SLC12A3: variants seen among roughly 807,000 people sequenced by gnomAD.
The protein encoded by SLC12A3 is solute carrier family 12 member 3.
SLC12A3 carries 104 observed loss-of-function variants against 121.0 expected under a neutral mutation model. That is an observed-to-expected ratio of 0.86 (90% CI 0.73 to 1.01). The LOEUF (loss-of-function observed/expected upper bound fraction) is 1.01, where lower values mean the gene tolerates loss of function less well. SLC12A3 is among the 50% of genes least tolerant of loss of function. The probability of loss-of-function intolerance (pLI) is 0.00; values close to 1 mark genes in which losing one functional copy is unlikely to be tolerated. For missense variants in SLC12A3, 1,328 were observed against 1,356.3 expected (o/e 0.98, Z 0.33); for synonymous variants, 536 against 533.4 (o/e 1.00, Z -0.07).
chr16:56,873,708 AT>A (rs398038206), intron 8 of SLC12A3, among the ~76,000 whole-genome samples: 58 of 125,412 alleles, frequency 4.6e-4, no homozygotes, highest in Non-Finnish European at 4.2e-4. Flanking sequence ...ATTTTATTTT[AT>A]TTTTTTTTTT....
chr16:56,892,522 G>A (rs960118814), intron 20 of SLC12A3, among the ~76,000 whole-genome samples: 14 of 152,188 alleles, frequency 9.2e-5, no homozygotes, highest in African/African-American at 3.4e-4. Context: ...GACCCACCTA[G>A]CAGGCTCTGG....
At chr16:56,875,259 A>AT (rs1281435295) in intron 8 of SLC12A3, among the ~76,000 whole-genome samples, 1 of 152,148 alleles carries the variant, frequency 6.6e-6, no homozygotes, top group Non-Finnish European at 1.5e-5. Context: ...TCACTGTGAC[A>AT]TTTTGGGCAA....
chr16:56,897,802 C>G (rs540757350), intron 22 of SLC12A3, among the ~76,000 whole-genome samples: 15 of 152,334 alleles, frequency 9.8e-5, no homozygotes, highest in African/African-American at 3.6e-4. Flanking sequence ...GCATCCTCTG[C>G]TCTCTACATA....
At chr16:56,884,383 C>T (rs2055283427) in intron 14 of SLC12A3, among the ~76,000 whole-genome samples, 179 bp downstream of exon 14, 2 of 152,186 alleles carry the variant, frequency 1.3e-5, no homozygotes, top group African/African-American at 4.8e-5. Flanking sequence ...TGTCCCCACT[C>T]AGGGCCTATG....
At chr16:56,890,454 A>C in intron 19 of SLC12A3, 98 bp downstream of exon 19, 1 of 1,025,278 alleles carries the variant, frequency 9.8e-7, no homozygotes, top group South Asian at 1.3e-5. Context: ...AAGGTTACAG[A>C]CTCATAGAAA....
At chr16:56,895,700 G>T (rs1225750401) in intron 22 of SLC12A3, among the ~76,000 whole-genome samples, 1 of 152,104 alleles carries the variant, frequency 6.6e-6, no homozygotes, top group Non-Finnish European at 1.5e-5. Context: ...TTGGGGGAGA[G>T]TGGTGGTTTT....
intron 25 of SLC12A3, among the ~76,000 whole-genome samples, chr16:56,908,704 G>A (rs2055643052): frequency 6.6e-6 from 1 of 152,060 alleles, no homozygotes; most frequent in African/African-American, 2.4e-5. Flanking sequence ...TACAAAGAAA[G>A]TGCCCCGTGT....
At chr16:56,894,099 G>A (rs574164533) in intron 21 of SLC12A3, among the ~76,000 whole-genome samples, 2 of 151,730 alleles carry the variant, frequency 1.3e-5, no homozygotes, top group South Asian at 2.1e-4. Flanking sequence ...TGCCTCCTGA[G>A]CTCAAGTGAT....
chr16:56,911,768 G>C (rs933227019), intron 25 of SLC12A3, among the ~76,000 whole-genome samples: 8 of 152,214 alleles, frequency 5.3e-5, no homozygotes, highest in Non-Finnish European at 8.8e-5. Context: ...GCTGCGGAGG[G>C]AAGATGTCAA....
At chr16:56,889,001 G>C (rs1465026390) in intron 18 of SLC12A3, among the ~76,000 whole-genome samples, 2 of 152,232 alleles carry the variant, frequency 1.3e-5, no homozygotes, top group Non-Finnish European at 2.9e-5. Flanking sequence ...AGTGAAACCA[G>C]GACCTGAGGA....
intron 11 of SLC12A3, 136 bp from the exon 12 acceptor site, chr16:56,879,994 T>G: frequency 9.3e-7 from 1 of 1,071,656 alleles, no homozygotes; most frequent in Non-Finnish European, 1.4e-6. Context: ...CATCCCTGTT[T>G]AATAGAAACA....
rs1408234729 is a variant in SLC12A3, at chr16:56,872,524, TG to T, written c.964+64del. ...GACAGGGACTCTCTACCCAGGAATC[TG>T]GCCCATTGTGTGGACACTGGGAGGA... is the stretch of plus-strand genomic sequence containing the variant. On this transcript the variant is annotated intron_variant, in intron 7 of 25. Transcript: ENST00000563236. 4.2e-5 allele frequency: 66 copies of T among 1,587,418 alleles called. No homozygotes were observed. In the Admixed American group the frequency reaches 6.5e-4, roughly 16 times the overall value.
chr16:56,887,249 T>C (rs1215831560), intron 17 of SLC12A3, among the ~76,000 whole-genome samples, 156 bp downstream of exon 17: 1 of 152,008 alleles, frequency 6.6e-6, no homozygotes, highest in East Asian at 1.9e-4. Flanking sequence ...TCACCCAGGC[T>C]GGAGTGCAAT....
At chr16:56,870,420 C>T (rs2055077461) in intron 5 of SLC12A3, among the ~76,000 whole-genome samples, 185 bp downstream of exon 5, 1 of 152,260 alleles carries the variant, frequency 6.6e-6, no homozygotes, top group Non-Finnish European at 1.5e-5. Context: ...CCCACAAGTC[C>T]CCTTTGGGGG....
At chr16:56,878,223 C>A in intron 9 of SLC12A3, 62 bp downstream of exon 9, 3 of 1,265,990 alleles carry the variant, frequency 2.4e-6, no homozygotes, top group Non-Finnish European at 3.4e-6. Context: ...TGCAGTGTCC[C>A]AAAACCCTGA....
In SLC12A3 at chr16:56,882,383, T is replaced by G. The variant is rs1343975925; in HGVS notation, c.1568-13T>G. The G allele has an allele frequency of 7.5e-6, 12 of 1,609,476 alleles. No homozygotes were observed. The highest frequency in any genetic ancestry group is 9.4e-6 in the Non-Finnish European group (11 of 1,175,830). ...CCCAACAGGCTGTCCTCTCTCTCCC[T>G]GGGTCCCCGAAGCTGAGCTCAACAC... On this transcript the variant is annotated splice_polypyrimidine_tract_variant and intron_variant, in intron 12 of 25. Transcript: ENST00000563236.
At position 56,892,967 on chromosome 16, in the gene SLC12A3, C is replaced by T. The variant is rs201300295; in HGVS notation, c.2434C>T (p.Leu812=). ...ACCTCCTGCAGTGGACCCCAAGGCCCTGGTGAAGGAGGAGCAGGCCACCAC... is the reference window on the plus strand; with the variant it reads ...ACCTCCTGCAGTGGACCCCAAGGCCTTGGTGAAGGAGGAGCAGGCCACCAC... ...EASARVDPKA[L]VKEEQATTIF... The change falls in exon 21 of 26, where the codon CTG becomes TTG. Residue 812 remains leucine, a synonymous_variant. Transcript: ENST00000563236. 3 of 1,614,178 alleles carry T rather than the reference C, an allele frequency of 1.9e-6. No homozygotes were observed. Among genetic ancestry groups the T allele is most frequent in the Middle Eastern group, 1.6e-4 (1 of 6,062 alleles).
rs535353539 is a variant in SLC12A3, at chr16:56,912,796, G to A, written c.2925-468G>A. Among the ~76,000 whole-genome samples, 3 of 152,274 alleles carry A rather than the reference G, an allele frequency of 2.0e-5. No homozygotes were observed. The East Asian group carries it at 5.8e-4, about 29-fold the overall frequency. ...TGGGGTGATGTGAGGAAGAGGCGTG[G>A]GCGGCCTGCCCTGGAGGAGTGATCA... On this transcript the variant is annotated intron_variant, in intron 25 of 25. Transcript: ENST00000563236.
intron 8 of SLC12A3, among the ~76,000 whole-genome samples, chr16:56,877,793 A>C (rs1227320457): frequency 2.0e-5 from 3 of 152,078 alleles, no homozygotes; most frequent in African/African-American, 7.2e-5. Context: ...GGAGCTGTTG[A>C]ATTTCTTCTC....
Sources: allele counts gnomAD v4.1 joint callset (sites outside exome capture counted in the v4.1 genomes callset), GRCh38; gene constraint gnomAD v4.1.1; transcripts MANE v1.5; gene names NCBI Gene and HGNC (gene_info 2026-07-23, HGNC 2026-07-21).